INPP4B: variants seen among roughly 807,000 people sequenced by gnomAD.
INPP4B encodes inositol polyphosphate-4-phosphatase type II B.
In INPP4B, 55 loss-of-function variants were observed where a neutral mutation model predicts 122.5. The observed-to-expected ratio is 0.45, with a 90% confidence interval of 0.36 to 0.56. INPP4B has a LOEUF of 0.56. Among genes scored for constraint, INPP4B ranks in the 20% least tolerant of loss-of-function variants. The pLI is 0.00. For synonymous variants in INPP4B, 403 were observed against 388.7 expected, an observed-to-expected ratio of 1.04 and a Z score of -0.43; for missense variants, 1,000 against 1,097.7, an observed-to-expected ratio of 0.91 and a Z score of 1.26.
chr4:142,616,989 A>C (rs1743838660), intron 2 of INPP4B, among the ~76,000 whole-genome samples: 1 of 152,120 alleles, frequency 6.6e-6, no homozygotes, highest in Admixed American at 6.6e-5. Context: ...TATTGGGTAC[A>C]TTGTGCAGTA....
intron 2 of INPP4B, among the ~76,000 whole-genome samples, chr4:142,537,668 G>A (rs2150016006): frequency 6.6e-6 from 1 of 151,648 alleles, no homozygotes; most frequent in Middle Eastern, 3.4e-3. Context: ...TTTTAACGGT[G>A]AGAGATAAAA....
intron 9 of INPP4B, among the ~76,000 whole-genome samples, chr4:142,294,469 T>C (rs1489832364): frequency 6.6e-6 from 1 of 151,808 alleles, no homozygotes; most frequent in Non-Finnish European, 1.5e-5. Flanking sequence ...TACGAGTAAA[T>C]TTGGAGAATA....
chr4:142,744,667 C>G (rs1768423354), intron 1 of INPP4B, among the ~76,000 whole-genome samples: 1 of 151,478 alleles, frequency 6.6e-6, no homozygotes, highest in Admixed American at 6.6e-5. Flanking sequence ...AATTTTATAT[C>G]TAATAAAAAT....
At chr4:142,542,923 A>G (rs1323243974) in intron 2 of INPP4B, among the ~76,000 whole-genome samples, 1 of 152,092 alleles carries the variant, frequency 6.6e-6, no homozygotes, top group African/African-American at 2.4e-5. Flanking sequence ...ATCAACATCA[A>G]CCGGTTTGAT....
intron 2 of INPP4B, among the ~76,000 whole-genome samples, chr4:142,624,346 T>C (rs1209061038): frequency 6.6e-6 from 1 of 151,664 alleles, no homozygotes; most frequent in Non-Finnish European, 1.5e-5. Context: ...TCATGTGTTT[T>C]TTGGCTGCAT....
intron 2 of INPP4B, among the ~76,000 whole-genome samples, chr4:142,688,633 C>T (rs1211147192): frequency 6.6e-6 from 1 of 152,146 alleles, no homozygotes; most frequent in Non-Finnish European, 1.5e-5. Context: ...TGGGCATAGG[C>T]TGAACTAACT....
At chr4:142,706,718 C>A (rs1176128090) in intron 2 of INPP4B, among the ~76,000 whole-genome samples, 2 of 152,230 alleles carry the variant, frequency 1.3e-5, no homozygotes, top group Non-Finnish European at 1.5e-5. Flanking sequence ...CCTACACAGG[C>A]CAGACAAGCC....
At chr4:142,453,680 C>T (rs1814790998) in intron 3 of INPP4B, among the ~76,000 whole-genome samples, 1 of 152,140 alleles carries the variant, frequency 6.6e-6, no homozygotes, top group Admixed American at 6.6e-5. Flanking sequence ...ACACATAATG[C>T]ATCTTAATTC....
At chr4:142,423,836 T>G in intron 5 of INPP4B, 1 of 440,140 alleles carries the variant, frequency 2.3e-6, no homozygotes, top group Non-Finnish European at 4.5e-6. Context: ...AAAAAAACCT[T>G]TATGTATTTT....
intron 2 of INPP4B, among the ~76,000 whole-genome samples, chr4:142,535,848 T>G (rs1828132455): frequency 6.6e-6 from 1 of 152,172 alleles, no homozygotes; most frequent in Admixed American, 6.6e-5. Flanking sequence ...TTTCCCAAAT[T>G]TACATATGTA....
intron 25 of INPP4B, among the ~76,000 whole-genome samples, chr4:142,062,756 A>AAC (rs1560983684): frequency 6.6e-6 from 1 of 151,242 alleles, no homozygotes; most frequent in African/African-American, 2.4e-5. Flanking sequence ...CAAACAAACA[A>AAC]ACAAACAAAC....
At chr4:142,423,128 T>G (rs1200874133) in intron 5 of INPP4B, among the ~76,000 whole-genome samples, 1 of 152,108 alleles carries the variant, frequency 6.6e-6, no homozygotes, top group Non-Finnish European at 1.5e-5. Flanking sequence ...TAATCATTTA[T>G]AGAACACAGA....
At position 142,661,621 on chromosome 4, in the gene INPP4B, A is replaced by G. The variant is rs560898130; in HGVS notation, c.-191+64218T>C. ...TTAGCAATTTTTTCAGAGTTTAAAT[A>G]AACCCTTTTTAAAAATACAACGGGA... On this transcript the variant is annotated intron_variant, in intron 2 of 25. Transcript: ENST00000262992. Among the ~76,000 whole-genome samples the G allele has an allele frequency of 9.8e-5, 15 of 152,350 alleles. No homozygotes were observed. In the South Asian group the frequency reaches 3.1e-3, roughly 32 times the overall value.
intron 25 of INPP4B, among the ~76,000 whole-genome samples, chr4:142,043,293 T>C (rs1426308984): frequency 6.6e-6 from 1 of 152,196 alleles, no homozygotes; most frequent in Non-Finnish European, 1.5e-5. Flanking sequence ...AGGTTTAGTT[T>C]TGGAATAACA....
At chr4:142,141,160 T>C (rs1452540764) in intron 18 of INPP4B, among the ~76,000 whole-genome samples, 2 of 152,192 alleles carry the variant, frequency 1.3e-5, no homozygotes, top group African/African-American at 4.8e-5. Flanking sequence ...CAAAGGATTA[T>C]ATCTGGACCA....
chr4:142,117,352 C>G (rs935978499), intron 21 of INPP4B, among the ~76,000 whole-genome samples: 11 of 151,866 alleles, frequency 7.2e-5, no homozygotes, highest in African/African-American at 2.4e-5. Flanking sequence ...GGCAGAGACA[C>G]AACAAAAAAA....
chr4:142,594,845 C>T (rs1227197977), intron 2 of INPP4B, among the ~76,000 whole-genome samples: 1 of 150,816 alleles, frequency 6.6e-6, no homozygotes, highest in Non-Finnish European at 1.5e-5. Context: ...GTCCCAGCTA[C>T]TCGGGAGGTT....
intron 2 of INPP4B, among the ~76,000 whole-genome samples, chr4:142,575,377 G>A (rs574975623): frequency 6.6e-6 from 1 of 152,180 alleles, no homozygotes; most frequent in African/African-American, 2.4e-5. Context: ...TCATTTTACA[G>A]ATGAGAAGAC....
At chr4:142,498,234 T>A (rs1467615155) in intron 2 of INPP4B, among the ~76,000 whole-genome samples, 2 of 151,634 alleles carry the variant, frequency 1.3e-5, no homozygotes, top group Non-Finnish European at 2.9e-5. Flanking sequence ...TACTTACATA[T>A]AAACTTTTCT....
Sources: gnomAD v4.1 joint callset for allele counts (sites outside exome capture counted in the v4.1 genomes callset) on GRCh38, gnomAD v4.1.1 for gene constraint, MANE v1.5 for transcripts, NCBI Gene and HGNC (gene_info 2026-07-23, HGNC 2026-07-21) for gene names.